Variants in AGMO observed in about 807,000 individuals in gnomAD.
AGMO encodes glyceryl-ether monooxygenase.
AGMO carries 75 observed loss-of-function variants against 60.2 expected under a neutral mutation model. The observed-to-expected ratio is 1.25, with a 90% CI of 1.03 to 1.51. The LOEUF (loss-of-function observed/expected upper bound fraction) is 1.51. Ranked by LOEUF, AGMO falls within the 40% of genes most tolerant of loss-of-function variation. AGMO has a pLI of 0.00. For synonymous variants in AGMO, 261 were observed against 177.1 expected, an observed-to-expected ratio of 1.47 and a Z score of -3.76; for missense variants, 763 against 525.5, an observed-to-expected ratio of 1.45 and a Z score of -4.42.
intron 3 of AGMO, among the ~76,000 whole-genome samples, chr7:15,491,213 C>G (rs1327954780): frequency 1.3e-5 from 2 of 152,092 alleles, no homozygotes; most frequent in Non-Finnish European, 2.9e-5. Flanking sequence ...AGTAAGAACT[C>G]ATGGTTTAGT....
At chr7:15,126,860 G>C in the AGMO span, among the ~76,000 whole-genome samples, 67 of 152,098 alleles carry the variant, frequency 4.4e-4, no homozygotes, top group Non-Finnish European at 4.4e-5. Flanking sequence ...CACCCTTTTA[G>C]GTCTGATAAG....
intron 12 of AGMO, among the ~76,000 whole-genome samples, chr7:15,349,837 C>G (rs1054240238): frequency 2.6e-5 from 4 of 152,072 alleles, no homozygotes; most frequent in African/African-American, 9.7e-5. Context: ...TGAGAACTCA[C>G]TATCATGAGA....
intron 6 of AGMO, among the ~76,000 whole-genome samples, chr7:15,393,900 G>C (rs553585010): frequency 1.3e-3 from 193 of 152,004 alleles, no homozygotes; most frequent in African/African-American, 4.3e-3. Context: ...AAGTCAGATA[G>C]ATAAATCCCC....
At chr7:15,514,949 G>A (rs912682706) in intron 3 of AGMO, among the ~76,000 whole-genome samples, 5 of 152,314 alleles carry the variant, frequency 3.3e-5, no homozygotes, top group Middle Eastern at 6.8e-3. Context: ...TGCTGTGGGA[G>A]ATGGGAGGCA....
the AGMO span, among the ~76,000 whole-genome samples, chr7:15,173,196 G>T: frequency 1.3e-5 from 2 of 151,880 alleles, no homozygotes; most frequent in African/African-American, 2.4e-5. Flanking sequence ...TATATTTATT[G>T]AAGTAAATCT....
At chr7:15,306,376 C>T (rs549017409) in intron 12 of AGMO, 10 of 335,126 alleles carry the variant, frequency 3.0e-5, no homozygotes, top group Non-Finnish European at 3.6e-5. Context: ...CCCCTTGGGG[C>T]TTACAAAATC....
the AGMO span, among the ~76,000 whole-genome samples, chr7:15,133,989 G>C: frequency 3.9e-5 from 6 of 151,966 alleles, no homozygotes; most frequent in Admixed American, 3.9e-4. Context: ...TTCTGTTATG[G>C]TCCCTATATC....
chr7:15,348,271 A>T (rs1448115664), intron 12 of AGMO, among the ~76,000 whole-genome samples: 1 of 152,038 alleles, frequency 6.6e-6, no homozygotes, highest in Admixed American at 6.6e-5. Context: ...GTCTTGGGAG[A>T]AACCCTCATC....
At chr7:15,459,599 T>TGTGTGTGTGTGTGTGTGTGTGTGTGTGTG (rs1554274867) in intron 3 of AGMO, among the ~76,000 whole-genome samples, 56 of 142,230 alleles carry the variant, frequency 3.9e-4, no homozygotes, top group South Asian at 1.4e-3. Context: ...GTATGTGCGT[T>TGTGTGTGTGTGTGTGTGTGTGTGTGTGTG]TGTGTGTGTG....
At chr7:15,518,670 C>T (rs1783891411) in intron 3 of AGMO, among the ~76,000 whole-genome samples, 1 of 152,226 alleles carries the variant, frequency 6.6e-6, no homozygotes, top group East Asian at 1.9e-4. Context: ...ATCCAAAGTT[C>T]ACCAACATCG....
chr7:15,313,287 T>C (rs541682376), intron 12 of AGMO, among the ~76,000 whole-genome samples: 1 of 152,298 alleles, frequency 6.6e-6, no homozygotes, highest in African/African-American at 2.4e-5. Context: ...CCACACACGA[T>C]GCTAAACATT....
intron 3 of AGMO, among the ~76,000 whole-genome samples, chr7:15,542,206 CT>C (rs1784647578): frequency 6.6e-6 from 1 of 152,038 alleles, no homozygotes; most frequent in Admixed American, 6.6e-5. Flanking sequence ...AAATAAGTTA[CT>C]TTTTTCCTAC....
At chr7:15,196,751 T>C (rs538859124), downstream of AGMO, among the ~76,000 whole-genome samples, 9 of 152,288 alleles carry the variant, frequency 5.9e-5, no homozygotes, top group East Asian at 1.7e-3. Flanking sequence ...CAAGACAAGT[T>C]GTAATTTGGG....
intron 3 of AGMO, among the ~76,000 whole-genome samples, chr7:15,485,367 T>C (rs1782888655): frequency 6.7e-6 from 1 of 149,068 alleles, no homozygotes; most frequent in Admixed American, 6.7e-5. Flanking sequence ...GTAGGAAAAA[T>C]TGAGAAGAGT....
chr7:15,248,179 C>CATATAT (rs71549925), intron 12 of AGMO, among the ~76,000 whole-genome samples: 411 of 32,560 alleles, frequency 0.013, 31 homozygotes, highest in Non-Finnish European at 0.024. Context: ...GATCCAGCAC[C>CATATAT]ATATATATAT....
At chr7:15,386,873 CT>C (rs926293105) in intron 9 of AGMO, among the ~76,000 whole-genome samples, 1 of 152,046 alleles carries the variant, frequency 6.6e-6, no homozygotes, top group Admixed American at 6.6e-5. Context: ...TTTTAAAGAT[CT>C]TTTTTATTTT....
At chr7:15,546,681 G>C (rs1251899102) in intron 2 of AGMO, among the ~76,000 whole-genome samples, 2 of 152,196 alleles carry the variant, frequency 1.3e-5, no homozygotes, top group African/African-American at 4.8e-5. Context: ...TGAGGCCAAG[G>C]GTTCCCAAAG....
Position 15,277,548 on chromosome 7 carries a change from T to G in AGMO, c.1264-76189A>C, listed in dbSNP as rs187294160. Among the ~76,000 whole-genome samples, 4 of 152,186 alleles carry G rather than the reference T, an allele frequency of 2.6e-5. No homozygotes were observed. In the East Asian group the frequency reaches 7.8e-4, roughly 30 times the overall value. On this transcript the variant is annotated intron_variant, in intron 12 of 12. Coordinates refer to ENST00000342526, the MANE Select transcript of AGMO (RefSeq NM_001004320.2). The stretch of plus-strand genomic sequence containing the variant: ...TTGGATTGGATTTTTTTTTTCTATT[T>G]TAAATTTTCTCCATCCCTTGATGGT...
intron 12 of AGMO, among the ~76,000 whole-genome samples, chr7:15,244,004 T>C (rs997696734): frequency 4.6e-5 from 7 of 152,308 alleles, no homozygotes; most frequent in Non-Finnish European, 8.8e-5. Context: ...CCTTGAAACA[T>C]CCCTCCACTC....
Sources: gnomAD v4.1 joint callset for allele counts (sites outside exome capture counted in the v4.1 genomes callset) on GRCh38, gnomAD v4.1.1 for gene constraint, MANE v1.5 for transcripts, NCBI Gene and HGNC (gene_info 2026-07-23, HGNC 2026-07-21) for gene names.